The following PLK5 variants were observed in gnomAD, a reference collection of about 807,000 sequenced individuals.
PLK5 encodes inactive serine/threonine-protein kinase PLK5.
Under a neutral mutation model 33.7 loss-of-function variants are expected in PLK5, and 28 were observed. The ratio of observed to expected loss-of-function variants is 0.83; its 90% CI spans 0.62 to 1.14. The LOEUF (loss-of-function observed/expected upper bound fraction) is 1.14. Among genes scored for constraint, PLK5 ranks in the 50% most tolerant of loss-of-function variants. The pLI is 0.00. For missense variants in PLK5, 492 were observed against 461.5 expected (o/e 1.07, Z -0.61); for synonymous variants, 225 against 202.2 (o/e 1.11, Z -0.96).
chr19:1,529,784 C>T lies in PLK5; in HGVS notation c.528C>T (p.Ala176=). ...GCCGGCGGCCAGAGGTGGAGGCGGC[C>T]CTCAGACACCTGCAGCTGTGCCTGG... is the stretch of plus-strand genomic sequence containing the variant. ...EGSRRPEVEA[A]LRHLQLCLDV... Residue 176 remains alanine, a synonymous_variant, in exon 11 of 14, where the codon GCC becomes GCT. Coordinates refer to ENST00000454744, the MANE Select transcript of PLK5 (RefSeq NM_001243079.2). 1 of 1,535,974 alleles carries T rather than the reference C, an allele frequency of 6.5e-7. No individual in the cohort carries two copies. The highest frequency in any genetic ancestry group is 8.7e-7 in the Non-Finnish European group (1 of 1,146,864).
chr19:1,529,972 T>A, intron 11 of PLK5, 148 bp downstream of exon 11: 1 of 810,856 alleles, frequency 1.2e-6, no homozygotes, highest in Non-Finnish European at 1.9e-6. Flanking sequence ...ATCAGGAGAG[T>A]GGGTTAGCCC....
At position 1,535,300 on chromosome 19, in the gene PLK5, G is replaced by C. The variant is rs773616247; in HGVS notation, c.*50G>C. ...CCTGCATGGTAGTGCCAGGGACCCAGGCTCCATTTCCATTCCTGTGGCTCC... is the reference window on the plus strand; with the variant it reads ...CCTGCATGGTAGTGCCAGGGACCCACGCTCCATTTCCATTCCTGTGGCTCC... On this transcript the variant is annotated 3_prime_UTR_variant, in exon 14 of 14. Coordinates refer to ENST00000454744, the MANE Select transcript of PLK5 (RefSeq NM_001243079.2). 1 of 1,490,468 alleles carries C rather than the reference G, an allele frequency of 6.7e-7. No homozygotes were observed. The allele number at this position is 1,490,468 out of a possible 1,614,324, so 92.3% of individuals were successfully genotyped here.
chr19:1,534,154 GGAA>G, intron 13 of PLK5, 113 bp downstream of exon 13: 1 of 462,064 alleles, frequency 2.2e-6, no homozygotes, highest in Non-Finnish European at 3.4e-6. Flanking sequence ...TTGCCTCCCA[GGAA>G]AAAAAAAAAA....
intron 12 of PLK5, among the ~76,000 whole-genome samples, chr19:1,533,175 G>C (rs769698786): frequency 6.6e-5 from 10 of 152,006 alleles, no homozygotes; most frequent in Non-Finnish European, 1.0e-4. Flanking sequence ...GCCCAGGCTG[G>C]AGTGCAATCT....
chr19:1,533,864 C>CT, intron 12 of PLK5, 67 bp from the exon 13 acceptor site: 1 of 1,075,232 alleles, frequency 9.3e-7, no homozygotes, highest in Non-Finnish European at 1.3e-6. Flanking sequence ...AGCTGGGGTG[C>CT]TGGGTGTGGG....
rs1480456586 is a variant in PLK5 at position 1,535,136 on chromosome 19, G to C, written c.897G>C (p.Trp299Cys). 6.5e-7 allele frequency: 1 copy of C among 1,535,704 alleles called. No homozygotes were observed. Among genetic ancestry groups the C allele is most frequent in the Non-Finnish European group, 8.7e-7 (1 of 1,146,744 alleles). ...GTGAGGGTTTGCAGCTCACCCTCTGGGAGCAGGGGTCCCCTGGCACCTCCT... is the reference window on the plus strand; with the variant it reads ...GTGAGGGTTTGCAGCTCACCCTCTGCGAGCAGGGGTCCCCTGGCACCTCCT... The part of the protein sequence containing the change: ...GEGEGLQLTL[W>C]EQGSPGTSYS... Residue 299 changes from tryptophan (W) to cysteine (C), a missense_variant, in exon 14 of 14, where the codon TGG becomes TGC. Physicochemically the swap from Trp to Cys is radical, Grantham distance 215. Transcript: ENST00000454744.
Position 1,526,711 on chromosome 19 carries a change from C to T in PLK5, c.-175C>T, listed in dbSNP as rs76963471. 4.2e-3 allele frequency: 2,126 copies of T among 507,364 alleles called. 56 individuals carry two copies. Among genetic ancestry groups the T allele is most frequent in the African/African-American group, 0.037 (1,915 of 51,088 alleles). 31.4% of individuals were successfully genotyped at this position (507,364 alleles called of 1,614,324 possible). A position where few individuals can be genotyped will look rare whatever the true frequency, so the allele number is the denominator to read the frequency against. On this transcript the variant is annotated 5_prime_UTR_variant, in exon 5 of 14. Coordinates refer to ENST00000454744, the MANE Select transcript of PLK5 (RefSeq NM_001243079.2). ...TGCCCCTCCCACTGCCAGGTAACTT[C>T]TTCCTTAACAAGAACATGGAGGTGA...
rs1568254427 is a variant in PLK5, at chr19:1,531,882, G to T, written c.713G>T (p.Arg238Met). Residue 238 changes from arginine (R) to methionine (M), a missense_variant and splice_region_variant, in exon 12 of 14, where the codon AGG (arginine) becomes ATG (methionine). By Grantham distance (91) the Arg-to-Met change is moderately conservative. Coordinates refer to ENST00000454744, the MANE Select transcript of PLK5 (RefSeq NM_001243079.2). The part of the protein sequence containing the change: ...RHPHGPATPR[R>M]EGTLPTPVPP... Reference sequence around the variant, plus strand: ...CCACATGGCCCTGCGACCCCCCGGAGGGTAAGTTGTGGCCTCCTGTGCCCT... The same window carrying T: ...CCACATGGCCCTGCGACCCCCCGGATGGTAAGTTGTGGCCTCCTGTGCCCT... 1.3e-6 allele frequency: 2 copies of T among 1,485,212 alleles called. No individual in the cohort carries two copies. The highest frequency in any genetic ancestry group is 1.4e-5 in the African/African-American group (1 of 71,012). The allele number at this position is 1,485,212 out of a possible 1,614,324, so 92.0% of individuals were successfully genotyped here.
rs777541303 is a variant in PLK5, at chr19:1,535,674, G to C, written c.*424G>C. The stretch of plus-strand genomic sequence containing the variant: ...AAGGCAGGAGGATCGCTTGGGCCCA[G>C]GAGTTTGAGACCAGCCTGGGCAACA... On this transcript the variant is annotated 3_prime_UTR_variant, in exon 14 of 14. Coordinates refer to ENST00000454744, the MANE Select transcript of PLK5 (RefSeq NM_001243079.2). 1 of 191,600 alleles carries C rather than the reference G, an allele frequency of 5.2e-6. No homozygotes were observed. Among genetic ancestry groups the C allele is most frequent in the Non-Finnish European group, 1.1e-5 (1 of 94,512 alleles). 11.9% of individuals were successfully genotyped at this position (191,600 alleles called of 1,614,324 possible).
At chr19:1,527,148 G>T (rs1270695488) in intron 6 of PLK5, 150 bp downstream of exon 6, 9 of 854,814 alleles carry the variant, frequency 1.1e-5, no homozygotes, top group Middle Eastern at 6.8e-4. Flanking sequence ...TGAACAGGAC[G>T]TGTGTGGGGA....
Position 1,525,386 on chromosome 19 carries a change from G to C in PLK5, c.-462G>C, listed in dbSNP as rs1001581970. ...CCTCAAGGTGGTGCCGTGTGGCGGG[G>C]CTGGGGCCGGGTGGCTTCGCCCGCA... On this transcript the variant is annotated 5_prime_UTR_variant, in exon 2 of 14. Transcript: ENST00000454744. The C allele has an allele frequency of 6.5e-6, 1 of 152,762 alleles. No homozygotes were observed. Among genetic ancestry groups the C allele is most frequent in the African/African-American group, 2.4e-5 (1 of 41,448 alleles). 9.5% of individuals were successfully genotyped at this position (152,762 alleles called of 1,614,324 possible).
rs1214182969 is a variant in PLK5, at chr19:1,531,881, A to G, written c.712A>G (p.Arg238Gly). Residue 238 changes from arginine to glycine, a missense_variant and splice_region_variant, in exon 12 of 14, where the codon AGG becomes GGG. Physicochemically the swap from Arg to Gly is moderately radical, Grantham distance 125 (BLOSUM62 -2). Coordinates refer to ENST00000454744, the MANE Select transcript of PLK5 (RefSeq NM_001243079.2). ...RHPHGPATPR[R>G]EGTLPTPVPP... Reference sequence around the variant, plus strand: ...CCCACATGGCCCTGCGACCCCCCGGAGGGTAAGTTGTGGCCTCCTGTGCCC... The same window carrying G: ...CCCACATGGCCCTGCGACCCCCCGGGGGGTAAGTTGTGGCCTCCTGTGCCC... 1 of 1,487,716 alleles carries G rather than the reference A, an allele frequency of 6.7e-7. No individual in the cohort carries two copies. Among genetic ancestry groups the G allele is most frequent in the South Asian group, 1.3e-5 (1 of 76,396 alleles). 92.2% of individuals were successfully genotyped at this position (1,487,716 alleles called of 1,614,324 possible). A position where few individuals can be genotyped will look rare whatever the true frequency, so the allele number is the denominator to read the frequency against.
In PLK5 at chr19:1,535,315, C is replaced by A. The variant is rs1914066632; in HGVS notation, c.*65C>A. On this transcript the variant is annotated 3_prime_UTR_variant, in exon 14 of 14. Coordinates refer to ENST00000454744, the MANE Select transcript of PLK5 (RefSeq NM_001243079.2). Reference sequence around the variant, plus strand: ...CAGGGACCCAGGCTCCATTTCCATTCCTGTGGCTCCCCCAGAGGGGCTGTC... The same window carrying A: ...CAGGGACCCAGGCTCCATTTCCATTACTGTGGCTCCCCCAGAGGGGCTGTC... 6.8e-7 allele frequency: 1 copy of A among 1,464,092 alleles called. No individual in the cohort carries two copies. The highest frequency in any genetic ancestry group is 1.4e-5 in the African/African-American group (1 of 69,494). The allele number at this position is 1,464,092 out of a possible 1,614,324, so 90.7% of individuals were successfully genotyped here. A position where few individuals can be genotyped will look rare whatever the true frequency, so the allele number is the denominator to read the frequency against.
rs1389473766 is a variant in PLK5, at chr19:1,526,596, G to A, written c.-202G>A. 3 of 337,188 alleles carry A rather than the reference G, an allele frequency of 8.9e-6. No homozygotes were observed. Among genetic ancestry groups the A allele is most frequent in the Non-Finnish European group, 1.7e-5 (3 of 174,328 alleles). The allele number at this position is 337,188 out of a possible 1,614,324, so 20.9% of individuals were successfully genotyped here. A position where few individuals can be genotyped will look rare whatever the true frequency, so the allele number is the denominator to read the frequency against. On this transcript the variant is annotated 5_prime_UTR_variant, in exon 4 of 14. Transcript: ENST00000454744. ...GCTACCTGCACCAGCGGTGCATCCT[G>A]CACCGCGACCTGAAGCTCAGTGAGT... is the stretch of plus-strand genomic sequence containing the variant.
chr19:1,534,156 A>AG (rs1568255389), intron 13 of PLK5, 115 bp downstream of exon 13: 1 of 80,076 alleles, frequency 1.2e-5, no homozygotes. Context: ...GCCTCCCAGG[A>AG]AAAAAAAAAA....
At chr19:1,529,034 T>C (rs375643487) in intron 9 of PLK5, 60 bp downstream of exon 9, 3 of 1,376,086 alleles carry the variant, frequency 2.2e-6, no homozygotes, top group African/African-American at 2.9e-5. Flanking sequence ...TGGCCCCTGC[T>C]AAAACCCCCT....
intron 11 of PLK5, among the ~76,000 whole-genome samples, chr19:1,530,250 C>G (rs1005367625): frequency 6.6e-6 from 1 of 152,096 alleles, no homozygotes; most frequent in African/African-American, 2.4e-5. Context: ...AGAGGGAGCC[C>G]CAAACCCCAC....
At chr19:1,527,034 C>T (rs766715345) in intron 6 of PLK5, 36 bp downstream of exon 6, 32 of 989,716 alleles carry the variant, frequency 3.2e-5, no homozygotes, top group East Asian at 1.5e-4. Context: ...GCAGGGCCTC[C>T]GGGGGGGGCA....
chr19:1,533,028 G>A (rs746698437), intron 12 of PLK5, among the ~76,000 whole-genome samples: 6 of 151,462 alleles, frequency 4.0e-5, no homozygotes, highest in Non-Finnish European at 7.4e-5. Flanking sequence ...CCAGCTACTT[G>A]GATGGCTGAG....
Sources: allele counts gnomAD v4.1 joint callset (sites outside exome capture counted in the v4.1 genomes callset), GRCh38; gene constraint gnomAD v4.1.1; transcripts MANE v1.5; gene names NCBI Gene and HGNC (gene_info 2026-07-23, HGNC 2026-07-21).